The following FMN1 variants were observed in gnomAD, a reference collection of about 807,000 sequenced individuals.
The protein encoded by FMN1 is formin-1.
In FMN1, 110 loss-of-function variants were observed where a neutral mutation model predicts 132.4. That is an observed-to-expected ratio of 0.83 (90% CI 0.71 to 0.97). The LOEUF (loss-of-function observed/expected upper bound fraction) is 0.97, where lower values mean the gene tolerates loss of function less well. Among genes scored for constraint, FMN1 ranks in the 50% least tolerant of loss-of-function variants. FMN1 has a pLI of 0.00. For synonymous variants in FMN1, 722 were observed against 651.7 expected, an observed-to-expected ratio of 1.11 and a Z score of -1.64; for missense variants, 1,792 against 1,705.3, an observed-to-expected ratio of 1.05 and a Z score of -0.90.
At chr15:33,048,644 A>AAAAAAAAAAAAAAAC in intron 6 of FMN1, among the ~76,000 whole-genome samples, 2 of 86,916 alleles carry the variant, frequency 2.3e-5, no homozygotes, top group African/African-American at 4.1e-5. Context: ...AAAAAAAAAA[A>AAAAAAAAAAAAAAAC]AAAAACCAAC....
At chr15:32,979,288 G>A (rs28593250) in intron 7 of FMN1, among the ~76,000 whole-genome samples, 2,074 of 152,150 alleles carry the variant, frequency 0.014, 42 homozygotes, top group African/African-American at 0.048. Context: ...CGGCATGGTG[G>A]TTCACACCTG....
At chr15:33,127,850 G>C (rs1455978835) in intron 4 of FMN1, among the ~76,000 whole-genome samples, 2 of 152,206 alleles carry the variant, frequency 1.3e-5, no homozygotes, top group African/African-American at 2.4e-5. Context: ...GTTGGTAAGA[G>C]AGAAGTGAGA....
At chr15:32,936,485 T>C (rs566222329) in intron 9 of FMN1, among the ~76,000 whole-genome samples, 3 of 152,306 alleles carry the variant, frequency 2.0e-5, no homozygotes, top group African/African-American at 7.2e-5. Context: ...GAGCTCATAA[T>C]CCCTGCTCTC....
At chr15:32,782,788 T>A (rs552794900) in intron 19 of FMN1, among the ~76,000 whole-genome samples, 42 of 152,198 alleles carry the variant, frequency 2.8e-4, no homozygotes, top group Non-Finnish European at 4.0e-4. Context: ...AAAGAAAATG[T>A]GGATCACATA....
At chr15:32,889,823 A>G (rs924224931) in intron 15 of FMN1, among the ~76,000 whole-genome samples, 4 of 152,148 alleles carry the variant, frequency 2.6e-5, no homozygotes, top group Admixed American at 6.6e-5. Context: ...ATTTGGTTAC[A>G]TGAGTAAGTT....
At chr15:32,904,784 C>G (rs2060381173) in intron 12 of FMN1, among the ~76,000 whole-genome samples, 1 of 152,198 alleles carries the variant, frequency 6.6e-6, no homozygotes, top group African/African-American at 2.4e-5. Flanking sequence ...CATAGCTCCT[C>G]TCTTATTTAT....
intron 4 of FMN1, among the ~76,000 whole-genome samples, chr15:33,092,696 T>C (rs955286814): frequency 2.0e-5 from 3 of 152,128 alleles, no homozygotes; most frequent in Non-Finnish European, 4.4e-5. Context: ...AAACAATACA[T>C]ATTTATTATA....
At chr15:32,988,888 A>C (rs890690046) in intron 7 of FMN1, among the ~76,000 whole-genome samples, 1 of 152,230 alleles carries the variant, frequency 6.6e-6, no homozygotes, top group Non-Finnish European at 1.5e-5. Flanking sequence ...AAGTAAGTCT[A>C]TGTTGCTTCC....
intron 3 of FMN1, among the ~76,000 whole-genome samples, chr15:33,157,993 C>CAAAAAAAAA (rs71756813): frequency 8.1e-6 from 1 of 123,502 alleles, no homozygotes; most frequent in African/African-American, 3.4e-5. Flanking sequence ...CCCTGTCTTT[C>CAAAAAAAAA]AAAAAAAAAA....
In FMN1 at chr15:32,765,918, A is replaced by G. The variant is rs1308832544; in HGVS notation, c.*8392T>C. 6.6e-6 allele frequency: 1 copy of G among 152,032 alleles called. No individual in the cohort carries two copies. Among genetic ancestry groups the G allele is most frequent in the Non-Finnish European group, 1.5e-5 (1 of 67,996 alleles). The allele number at this position is 152,032 out of a possible 1,614,324, so 9.4% of individuals were successfully genotyped here. On this transcript the variant is annotated 3_prime_UTR_variant, in exon 21 of 21. Coordinates refer to ENST00000616417, the MANE Select transcript of FMN1 (RefSeq NM_001277313.2). ...ATGACATTTATAAATTCAACTCATG[A>G]GCATTTCTCAGCTTTGACAAAATTA...
chr15:32,984,995 AAAAAAG>A (rs2032971724), intron 7 of FMN1, among the ~76,000 whole-genome samples: 1 of 151,558 alleles, frequency 6.6e-6, no homozygotes, highest in Non-Finnish European at 1.5e-5. Context: ...AAAAAAAAAA[AAAAAAG>A]AAGGGCAAAA....
At chr15:32,775,431 A>G (rs942368643) in intron 20 of FMN1, among the ~76,000 whole-genome samples, 2 of 152,020 alleles carry the variant, frequency 1.3e-5, no homozygotes, top group Non-Finnish European at 2.9e-5. Context: ...GGCTGACCCC[A>G]TTCTCTCTGC....
chr15:32,891,780 C>G (rs927443547), intron 15 of FMN1, among the ~76,000 whole-genome samples: 3 of 151,912 alleles, frequency 2.0e-5, no homozygotes, highest in Non-Finnish European at 4.4e-5. Flanking sequence ...AGGTATATTA[C>G]TATACACACA....
chr15:33,087,558 C>A (rs1213843455), intron 5 of FMN1, among the ~76,000 whole-genome samples: 1 of 151,984 alleles, frequency 6.6e-6, no homozygotes, highest in Admixed American at 6.6e-5. Flanking sequence ...AAAAACAGAA[C>A]AACAACAACA....
intron 3 of FMN1, among the ~76,000 whole-genome samples, chr15:33,178,095 C>G (rs928912483): frequency 1.3e-5 from 2 of 151,896 alleles, no homozygotes; most frequent in Non-Finnish European, 2.9e-5. Context: ...AGAAAAAAAG[C>G]AAATGAAGTG....
chr15:32,950,227 C>T (rs1457942425), intron 9 of FMN1, among the ~76,000 whole-genome samples: 1 of 150,806 alleles, frequency 6.6e-6, no homozygotes, highest in African/African-American at 2.4e-5. Context: ...AATGCTTTTA[C>T]ACTGTTGGTG....
Position 32,939,652 on chromosome 15 carries a change from T to C in FMN1, c.3139-13391A>G, listed in dbSNP as rs1214565548. On this transcript the variant is annotated intron_variant, in intron 9 of 20. Coordinates refer to ENST00000616417, the MANE Select transcript of FMN1 (RefSeq NM_001277313.2). ...AGACAGAAAAAGTGAATTTCAAAAA[T>C]TCCCCTTGGAAGAGAAAAACTATAT... 2.0e-5 allele frequency among the ~76,000 whole-genome samples: 3 copies of C among 152,266 alleles called. No homozygotes were observed. In the South Asian group the frequency reaches 6.2e-4, roughly 32 times the overall value.
chr15:32,904,133 T>G (rs1423826254), intron 12 of FMN1, among the ~76,000 whole-genome samples: 1 of 151,854 alleles, frequency 6.6e-6, no homozygotes, highest in African/African-American at 2.4e-5. Flanking sequence ...AAACCAACAA[T>G]TACTGTGGAG....
intron 5 of FMN1, among the ~76,000 whole-genome samples, chr15:33,087,732 C>T (rs2038750517): frequency 6.6e-6 from 1 of 152,050 alleles, no homozygotes; most frequent in Non-Finnish European, 1.5e-5. Flanking sequence ...AATTGCAAAA[C>T]TATAGAACCA....
Sources: allele counts gnomAD v4.1 joint callset (sites outside exome capture counted in the v4.1 genomes callset), GRCh38; gene constraint gnomAD v4.1.1; transcripts MANE v1.5; gene names NCBI Gene and HGNC (gene_info 2026-07-23, HGNC 2026-07-21).